Variants in DNAAF1 observed in about 807,000 individuals in gnomAD.
DNAAF1 encodes the protein dynein axonemal assembly factor 1, also known as dynein assembly factor 1, axonemal.
In DNAAF1, 65 loss-of-function variants were observed where a neutral mutation model predicts 71.1. The observed-to-expected ratio is 0.91, with a 90% CI of 0.75 to 1.12. The LOEUF (loss-of-function observed/expected upper bound fraction) is 1.12. Ranked by LOEUF, DNAAF1 falls within the 50% of genes most tolerant of loss-of-function variation. DNAAF1 has a pLI of 0.00. For synonymous variants in DNAAF1, 414 were observed against 354.6 expected (o/e 1.17, Z -1.88); for missense variants, 1,178 against 899.8 (o/e 1.31, Z -3.96).
chr16:84,154,464 A>G, intron 3 of DNAAF1, 113 bp from the exon 4 acceptor site: 1 of 926,972 alleles, frequency 1.1e-6, no homozygotes, highest in Non-Finnish European at 1.7e-6. Context: ...CAATGTATGA[A>G]TTTTGAAGGG....
chr16:84,151,502 A>T (rs2087178716), intron 3 of DNAAF1, among the ~76,000 whole-genome samples: 1 of 152,204 alleles, frequency 6.6e-6, no homozygotes, highest in Non-Finnish European at 1.5e-5. Flanking sequence ...CTGATACTTA[A>T]GAGGTGGGAA....
In DNAAF1 at chr16:84,172,721, T is replaced by C. The variant is rs1177827612; in HGVS notation, c.1644+346T>C. 7 of 1,176,962 alleles carry C rather than the reference T, an allele frequency of 5.9e-6. No individual in the cohort carries two copies. The African/African-American group carries it at 1.1e-4, about 19-fold the overall frequency. The allele number at this position is 1,176,962 out of a possible 1,614,324, so 72.9% of individuals were successfully genotyped here. A position where few individuals can be genotyped will look rare whatever the true frequency, so the allele number is the denominator to read the frequency against. On this transcript the variant is annotated intron_variant, in intron 9 of 11. Coordinates refer to ENST00000378553, the MANE Select transcript of DNAAF1 (RefSeq NM_178452.6). ...TAAGTGGTTCTGACTAGTTGCCTTATCCAAATTCGTGGTGAGAGTTACATT... is the reference window on the plus strand; with the variant it reads ...TAAGTGGTTCTGACTAGTTGCCTTACCCAAATTCGTGGTGAGAGTTACATT...
At chr16:84,160,413 T>C (rs752986526) in intron 6 of DNAAF1, among the ~76,000 whole-genome samples, 2 of 152,220 alleles carry the variant, frequency 1.3e-5, no homozygotes, top group South Asian at 4.1e-4. Context: ...CTGCCATGTT[T>C]ATCATCACTG....
intron 6 of DNAAF1, among the ~76,000 whole-genome samples, chr16:84,163,343 C>A (rs552744609): frequency 6.6e-6 from 1 of 151,334 alleles, no homozygotes; most frequent in Non-Finnish European, 1.5e-5. Flanking sequence ...ACCAACACTT[C>A]GGGTTGCCTG....
intron 4 of DNAAF1, among the ~76,000 whole-genome samples, chr16:84,155,003 G>A (rs1424722845): frequency 6.6e-6 from 1 of 151,806 alleles, no homozygotes; most frequent in Non-Finnish European, 1.5e-5. Flanking sequence ...CTGCCTCCCG[G>A]GTTCATGCCA....
At position 84,176,030 on chromosome 16, in the gene DNAAF1, C is replaced by T. The variant is rs1462364100; in HGVS notation, c.1796C>T (p.Pro599Leu). The change falls in exon 11 of 12, where the codon CCC becomes CTC. Residue 599 changes from proline to leucine, a missense_variant. By Grantham distance (98) the Pro-to-Leu change is moderately conservative. Coordinates refer to ENST00000378553, the MANE Select transcript of DNAAF1 (RefSeq NM_178452.6). ...TCACTCCCTGTGCTGGAAAACCTCCCCACAGACACTCTGTCAAATATATTT... is the reference window on the plus strand; with the variant it reads ...TCACTCCCTGTGCTGGAAAACCTCCTCACAGACACTCTGTCAAATATATTT... Reference protein sequence around the residue: ...YTSLPVLENLPTDTLSNIFAV... With the variant: ...YTSLPVLENLLTDTLSNIFAV... The T allele has an allele frequency of 1.2e-6, 2 of 1,614,022 alleles. No homozygotes were observed. The highest frequency in any genetic ancestry group is 1.3e-5 in the African/African-American group (1 of 74,902).
chr16:84,175,907 T>C (rs768619238), intron 10 of DNAAF1, 26 bp from the exon 11 acceptor site: 5 of 1,613,018 alleles, frequency 3.1e-6, no homozygotes, highest in Non-Finnish European at 4.2e-6. Flanking sequence ...ACAGAAACTT[T>C]CAGACACCTT....
At chr16:84,147,470 G>A (rs1261156968) in intron 1 of DNAAF1, among the ~76,000 whole-genome samples, 1 of 152,018 alleles carries the variant, frequency 6.6e-6, no homozygotes, top group African/African-American at 2.4e-5. Context: ...TGTTATCATA[G>A]ATATTCTCAC....
intron 3 of DNAAF1, among the ~76,000 whole-genome samples, chr16:84,153,148 A>G (rs79087628): frequency 6.8e-6 from 1 of 147,894 alleles, no homozygotes; most frequent in African/African-American, 2.6e-5. Flanking sequence ...TATCTTAAAG[A>G]AAAAAAAAAT....
At chr16:84,175,900 G>C in intron 10 of DNAAF1, 33 bp from the exon 11 acceptor site, 2 of 1,612,272 alleles carry the variant, frequency 1.2e-6, no homozygotes, top group Non-Finnish European at 8.5e-7. Flanking sequence ...TGTGAAAACA[G>C]AAACTTTCAG....
chr16:84,157,528 A>G (rs936433382), intron 5 of DNAAF1, among the ~76,000 whole-genome samples: 131 of 152,044 alleles, frequency 8.6e-4, no homozygotes, highest in Middle Eastern at 6.8e-3. Flanking sequence ...AAAAAAAAAA[A>G]AAATTCCCGT....
At chr16:84,147,418 T>A (rs16962873) in intron 1 of DNAAF1, among the ~76,000 whole-genome samples, 1 of 152,162 alleles carries the variant, frequency 6.6e-6, no homozygotes, top group Non-Finnish European at 1.5e-5. Context: ...CAATTTTGAA[T>A]GACCTTTAAA....
chr16:84,149,168 G>A lies in DNAAF1; in HGVS notation c.260+26G>A, dbSNP rs770332815. 11 of 1,613,592 alleles carry A rather than the reference G, an allele frequency of 6.8e-6. No homozygotes were observed. In the African/African-American group the frequency reaches 9.3e-5, roughly 14 times the overall value. Reference sequence around the variant, plus strand: ...GTATGTGGGCATACTCCTAATTAGTGCACATTTATGGAGTAAGGTAGATGG... The same window carrying A: ...GTATGTGGGCATACTCCTAATTAGTACACATTTATGGAGTAAGGTAGATGG... On this transcript the variant is annotated intron_variant, in intron 2 of 11. Coordinates refer to ENST00000378553, the MANE Select transcript of DNAAF1 (RefSeq NM_178452.6).
At chr16:84,166,091 G>A (rs1175880031) in intron 7 of DNAAF1, 142 bp downstream of exon 7, 1 of 1,192,950 alleles carries the variant, frequency 8.4e-7, no homozygotes, top group African/African-American at 1.6e-5. Context: ...TGTCACTGAG[G>A]TTGCAAAGTT....
At chr16:84,161,696 C>T (rs1301168719) in intron 6 of DNAAF1, among the ~76,000 whole-genome samples, 1 of 151,692 alleles carries the variant, frequency 6.6e-6, no homozygotes, top group Non-Finnish European at 1.5e-5. Context: ...TTAATCCAGC[C>T]ACTGACTAAT....
intron 3 of DNAAF1, among the ~76,000 whole-genome samples, chr16:84,150,846 C>G (rs1243980567): frequency 2.0e-5 from 3 of 152,014 alleles, no homozygotes; most frequent in Non-Finnish European, 4.4e-5. Flanking sequence ...ACTCCTGAAC[C>G]CAGTCGATCC....
intron 8 of DNAAF1, among the ~76,000 whole-genome samples, chr16:84,170,696 G>A (rs2088284657): frequency 6.6e-6 from 1 of 152,158 alleles, no homozygotes; most frequent in Non-Finnish European, 1.5e-5. Flanking sequence ...GCTGGGAATT[G>A]TGGTGTGCCC....
At chr16:84,170,441 G>C in intron 8 of DNAAF1, 85 bp downstream of exon 8, 1 of 1,594,052 alleles carries the variant, frequency 6.3e-7, no homozygotes. Context: ...GGGACCTGGG[G>C]CCTGAGTTTC....
chr16:84,173,480 G>C (rs1185598288), intron 9 of DNAAF1: 2 of 983,316 alleles, frequency 2.0e-6, no homozygotes, highest in Non-Finnish European at 2.4e-6. Context: ...GAAAAAAAGA[G>C]TTAAAGTGAT....
Sources: gnomAD v4.1 joint callset for allele counts (sites outside exome capture counted in the v4.1 genomes callset) on GRCh38, gnomAD v4.1.1 for gene constraint, MANE v1.5 for transcripts, NCBI Gene and HGNC (gene_info 2026-07-23, HGNC 2026-07-21) for gene names.